RAI1: variants seen among roughly 807,000 people sequenced by gnomAD.
The protein encoded by RAI1 is retinoic acid induced 1, also known as retinoic acid-induced protein 1.
In RAI1, 9 loss-of-function variants were observed where a neutral mutation model predicts 123.8. That is an observed-to-expected ratio of 0.07 (90% CI 0.04 to 0.13). The LOEUF is 0.13. RAI1 is among the 10% of genes least tolerant of loss of function. RAI1 has a pLI of 1.00. For synonymous variants in RAI1, 1,231 were observed against 1,127.3 expected, an observed-to-expected ratio of 1.09 and a Z score of -1.84; for missense variants, 2,256 against 2,545.8, an observed-to-expected ratio of 0.89 and a Z score of 2.45.
chr17:17,794,160 C>T lies in RAI1; in HGVS notation c.1212C>T (p.Thr404=). ...PLLNPSPTDA[T]SSVDTQAGNC... ...TCAATCCCTCCCCAACGGATGCCAC[C>T]AGCTCTGTGGACACCCAGGCTGGCA... The change falls in exon 3 of 6, where the codon ACC becomes ACT. Residue 404 remains threonine (T), a synonymous_variant. Coordinates refer to ENST00000353383, the MANE Select transcript of RAI1 (RefSeq NM_030665.4). 1 of 1,613,918 alleles carries T rather than the reference C, an allele frequency of 6.2e-7. No individual in the cohort carries two copies. Among genetic ancestry groups the T allele is most frequent in the Non-Finnish European group, 8.5e-7 (1 of 1,180,040 alleles).
At chr17:17,684,485 A>T (rs984460587) in intron 1 of RAI1, 3 of 152,006 alleles carry the variant, frequency 2.0e-5, no homozygotes, top group Non-Finnish European at 4.4e-5. Flanking sequence ...ACAAATGTTA[A>T]TTGCAACCCT....
chr17:17,708,665 C>T (rs1010653430), intron 1 of RAI1, among the ~76,000 whole-genome samples: 2 of 152,112 alleles, frequency 1.3e-5, no homozygotes, highest in African/African-American at 2.4e-5. Flanking sequence ...CACATCCCTC[C>T]TTGTACACCT....
intron 1 of RAI1, among the ~76,000 whole-genome samples, chr17:17,710,561 G>A (rs964384260): frequency 6.0e-4 from 91 of 152,216 alleles, no homozygotes; most frequent in African/African-American, 2.2e-3. Flanking sequence ...GCAGCACAGT[G>A]GCCACCAAGA....
chr17:17,690,549 G>C (rs1272391596), intron 1 of RAI1, among the ~76,000 whole-genome samples: 1 of 152,162 alleles, frequency 6.6e-6, no homozygotes. Flanking sequence ...CTTCATCAAA[G>C]GCGAAAGTAA....
chr17:17,739,675 A>G lies in RAI1; in HGVS notation c.-17+15516A>G, dbSNP rs558537567. ...GCTTCCCCTGACCTCTGGCTGCCCC[A>G]CAGACCCCATCCCTACCTCCACTCC... On this transcript the variant is annotated intron_variant, in intron 2 of 5. Coordinates refer to ENST00000353383, the MANE Select transcript of RAI1 (RefSeq NM_030665.4). Among the ~76,000 whole-genome samples, 8 of 152,260 alleles carry G rather than the reference A, an allele frequency of 5.3e-5. No individual in the cohort carries two copies. In the South Asian group the frequency reaches 1.0e-3, roughly 20 times the overall value.
intron 1 of RAI1, among the ~76,000 whole-genome samples, chr17:17,690,032 C>T (rs1598012994): frequency 6.6e-6 from 1 of 152,028 alleles, no homozygotes; most frequent in Non-Finnish European, 1.5e-5. Flanking sequence ...CCTGTGAGGC[C>T]TTATTGACCT....
intron 1 of RAI1, among the ~76,000 whole-genome samples, chr17:17,691,486 C>T (rs1914835005): frequency 1.3e-5 from 2 of 152,144 alleles, no homozygotes; most frequent in African/African-American, 4.8e-5. Context: ...GAAAAGGTAG[C>T]GGGAAGAAAG....
chr17:17,755,524 G>A (rs1467354308), intron 2 of RAI1, among the ~76,000 whole-genome samples: 1 of 152,160 alleles, frequency 6.6e-6, no homozygotes, highest in Admixed American at 6.5e-5. Context: ...CCCAGGGAGG[G>A]CAGAGGGTGG....
chr17:17,708,126 C>G (rs1314748139), intron 1 of RAI1, among the ~76,000 whole-genome samples: 2 of 152,224 alleles, frequency 1.3e-5, no homozygotes, highest in Admixed American at 1.3e-4. Context: ...TCTCAGGTCT[C>G]TGCCTCTGCC....
In RAI1 at chr17:17,803,831, C is replaced by T. The variant is rs2032539342; in HGVS notation, c.5641C>T (p.Pro1881Ser). ...HKGCLHTYHY[P>S]CASDAGCIFI... is the part of the protein sequence containing the mutation. ...AGGATGCCTCCACACCTACCACTAC[C>T]CGTGTGCCAGCGATGCAGGTACGAG... Residue 1881 changes from proline (P) to serine (S), a missense_variant, in exon 4 of 6, where the codon CCG becomes TCG. Physicochemically the swap from Pro to Ser is moderately conservative, Grantham distance 74 (BLOSUM62 -1). Transcript: ENST00000353383. The T allele has an allele frequency of 6.2e-7, 1 of 1,613,374 alleles. No individual in the cohort carries two copies.
At chr17:17,787,170 A>T (rs1019271471) in intron 2 of RAI1, among the ~76,000 whole-genome samples, 5 of 152,086 alleles carry the variant, frequency 3.3e-5, no homozygotes, top group Non-Finnish European at 7.4e-5. Flanking sequence ...GGCTGGGAGC[A>T]CCTCTGTGGG....
rs1391257260 is a variant in RAI1, at chr17:17,799,050, G to A, written c.5565+537G>A. Among the ~76,000 whole-genome samples the A allele has an allele frequency of 6.6e-6, 1 of 152,180 alleles. No individual in the cohort carries two copies. The highest frequency in any genetic ancestry group is 6.5e-5 in the Admixed American group (1 of 15,280). ...TTCCTCCCTCTGCAGGACAGTCCAT[G>A]GGGTCACACAGTCACAACAGGCAGG... is the stretch of plus-strand genomic sequence containing the variant. On this transcript the variant is annotated intron_variant, in intron 3 of 5. Coordinates refer to ENST00000353383, the MANE Select transcript of RAI1 (RefSeq NM_030665.4). The surrounding 1 kb of genome is among the most constrained non-coding windows in gnomAD (Gnocchi z 4.5).
Position 17,746,634 on chromosome 17 carries a change from C to CTT in RAI1, c.-17+22492_-17+22493dup, listed in dbSNP as rs377692656. 9.2e-3 allele frequency among the ~76,000 whole-genome samples: 1,105 copies of CTT among 120,364 alleles called. 27 individuals carry two copies. The highest frequency in any genetic ancestry group is 0.015 in the Non-Finnish European group (892 of 58,392). The allele number at this position is 120,364 out of a possible 152,430, so 79.0% of individuals were successfully genotyped here. A position where few individuals can be genotyped will look rare whatever the true frequency, so the allele number is the denominator to read the frequency against. Reference sequence around the variant, plus strand: ...GTTTTCTTTTTTTTTCTTTTCTTTTCTTTTTTTTTTTTTTTTTTGAGATGG... The same window carrying CTT: ...GTTTTCTTTTTTTTTCTTTTCTTTTCTTTTTTTTTTTTTTTTTTTTGAGATGG... On this transcript the variant is annotated intron_variant, in intron 2 of 5. Coordinates refer to ENST00000353383, the MANE Select transcript of RAI1 (RefSeq NM_030665.4).
chr17:17,682,209 C>T (rs2142845365), intron 1 of RAI1, among the ~76,000 whole-genome samples: 1 of 151,898 alleles, frequency 6.6e-6, no homozygotes, highest in East Asian at 2.0e-4. Flanking sequence ...TTTGTGAGTG[C>T]GTCCGAGGTG....
chr17:17,795,918 G>T lies in RAI1; in HGVS notation c.2970G>T (p.Glu990Asp), dbSNP rs766201656. ...CCGAGGCGCCCATCGCAAAGAAAGA[G>T]CCTGTGCCACGGGGCAAAAGCTTAC... ...AVPEAPIAKK[E>D]PVPRGKSLRS... The change falls in exon 3 of 6, where the codon GAG (glutamate) becomes GAT (aspartate). Residue 990 changes from glutamate to aspartate, a missense_variant. Transcript: ENST00000353383. The surrounding 1 kb of genome is among the most constrained non-coding windows in gnomAD (Gnocchi z 5.9). The T allele has an allele frequency of 6.2e-7, 1 of 1,610,298 alleles. No homozygotes were observed. The highest frequency in any genetic ancestry group is 8.5e-7 in the Non-Finnish European group (1 of 1,179,632).
chr17:17,704,345 C>A (rs781162361), intron 1 of RAI1, among the ~76,000 whole-genome samples: 4 of 152,228 alleles, frequency 2.6e-5, no homozygotes, highest in Non-Finnish European at 5.9e-5. Flanking sequence ...CTGGCCACAT[C>A]ATCTCCAGGG....
chr17:17,795,103 C>T lies in RAI1; in HGVS notation c.2155C>T (p.Pro719Ser), dbSNP rs747292260. The change falls in exon 3 of 6, where the codon CCA becomes TCA. Residue 719 changes from proline (P) to serine (S), a missense_variant. Physicochemically the swap from Pro to Ser is moderately conservative, Grantham distance 74. Coordinates refer to ENST00000353383, the MANE Select transcript of RAI1 (RefSeq NM_030665.4). The surrounding 1 kb of genome is among the most constrained non-coding windows in gnomAD (Gnocchi z 5.9). ...CAAGCCCACCCTTGGGGTTCCTGCT[C>T]CAGACCCCACTACAGCAGCTTTTGA... Reference protein sequence around the residue: ...GTKPTLGVPAPDPTTAAFDCF... With the variant: ...GTKPTLGVPASDPTTAAFDCF... 6.2e-6 allele frequency: 10 copies of T among 1,613,960 alleles called. No homozygotes were observed. The South Asian group carries it at 9.9e-5, about 16-fold the overall frequency.
In RAI1 at chr17:17,794,768, T is replaced by G; in HGVS notation, c.1820T>G (p.Leu607Arg). 1.2e-6 allele frequency: 2 copies of G among 1,613,002 alleles called. No individual in the cohort carries two copies. Among genetic ancestry groups the G allele is most frequent in the Non-Finnish European group, 8.5e-7 (1 of 1,179,990 alleles). Reference protein sequence around the residue: ...LLLSALAQEDLASEILGLQEA... With the variant: ...LLLSALAQEDRASEILGLQEA... ...CTCAGCGCCCTGGCACAGGAGGACC[T>G]GGCCTCCGAGATCCTGGGGCTGCAG... Residue 607 changes from leucine (L) to arginine (R), a missense_variant, in exon 3 of 6, where the codon CTG becomes CGG. Physicochemically the swap from Leu to Arg is moderately radical, Grantham distance 102 (BLOSUM62 -2). Transcript: ENST00000353383.
chr17:17,744,813 A>AG (rs1444142843), intron 2 of RAI1, among the ~76,000 whole-genome samples: 1 of 149,630 alleles, frequency 6.7e-6, no homozygotes, highest in Non-Finnish European at 1.5e-5. Context: ...AAAAAAAAAA[A>AG]GGAAAACTGT....
Sources: allele counts gnomAD v4.1 joint callset (sites outside exome capture counted in the v4.1 genomes callset), GRCh38; gene constraint gnomAD v4.1.1; non-coding constraint Gnocchi (gnomAD v3.1); transcripts MANE v1.5; gene names NCBI Gene and HGNC (gene_info 2026-07-23, HGNC 2026-07-21).